The following CPEB3 variants were observed in gnomAD, a reference collection of about 807,000 sequenced individuals.
CPEB3 encodes cytoplasmic polyadenylation element-binding protein 3.
CPEB3 carries 20 observed loss-of-function variants against 67.2 expected under a neutral mutation model. The ratio of observed to expected loss-of-function variants is 0.30; its 90% confidence interval spans 0.21 to 0.43. The LOEUF (loss-of-function observed/expected upper bound fraction) is 0.43, where lower values mean the gene tolerates loss of function less well. Ranked by LOEUF, CPEB3 falls within the 20% of genes least tolerant of loss-of-function variation. The probability of loss-of-function intolerance (pLI) is 1.00; values close to 1 mark genes in which losing one functional copy is unlikely to be tolerated. For missense variants in CPEB3, 746 were observed against 968.6 expected, an observed-to-expected ratio of 0.77 and a Z score of 3.05; for synonymous variants, 376 against 393.1, an observed-to-expected ratio of 0.96 and a Z score of 0.51.
chr10:92,216,844 G>A (rs571379316), intron 2 of CPEB3: 4 of 1,559,582 alleles, frequency 2.6e-6, no homozygotes, highest in African/African-American at 1.4e-5. Flanking sequence ...CTGGGCTGAC[G>A]GCAGGACGAC....
chr10:92,257,449 C>T (rs906721051), intron 1 of CPEB3, among the ~76,000 whole-genome samples: 10 of 152,070 alleles, frequency 6.6e-5, no homozygotes, highest in Non-Finnish European at 1.3e-4. Context: ...CTTGGGCCAC[C>T]ACACCCAGCT....
intron 2 of CPEB3, among the ~76,000 whole-genome samples, chr10:92,232,797 G>T (rs569795361): frequency 6.7e-6 from 1 of 150,112 alleles, no homozygotes; most frequent in Admixed American, 6.7e-5. Context: ...CTAACCAATA[G>T]AGAAAGCTAT....
At chr10:92,140,428 T>G (rs948513605) in intron 6 of CPEB3, among the ~76,000 whole-genome samples, 25 of 152,176 alleles carry the variant, frequency 1.6e-4, no homozygotes, top group East Asian at 3.9e-4. Context: ...GCTAGCCATA[T>G]GTAGAAAGCT....
In CPEB3 at chr10:92,079,553, ATTATT is replaced by A. The variant is rs1443493697; in HGVS notation, c.1869+1762_1869+1766del. On this transcript the variant is annotated intron_variant, in intron 9 of 9. Coordinates refer to ENST00000265997, the MANE Select transcript of CPEB3 (RefSeq NM_014912.5). ...TTTAAAGAATGTTTCAAAATTCTAAATTATTTTATTCATTTTAATTAAAAAGCAAA... is the reference window on the plus strand; with the variant it reads ...TTTAAAGAATGTTTCAAAATTCTAAATTATTCATTTTAATTAAAAAGCAAA... Among the ~76,000 whole-genome samples the A allele has an allele frequency of 2.6e-5, 4 of 152,304 alleles. No homozygotes were observed. The East Asian group carries it at 7.7e-4, about 29-fold the overall frequency.
At chr10:92,158,674 G>A (rs994645901) in intron 4 of CPEB3, among the ~76,000 whole-genome samples, 1 of 152,104 alleles carries the variant, frequency 6.6e-6, no homozygotes, top group African/African-American at 2.4e-5. Context: ...ATTACAGATG[G>A]GGGAATGTAA....
intron 2 of CPEB3, among the ~76,000 whole-genome samples, chr10:92,212,591 C>T (rs1850151880): frequency 6.6e-6 from 1 of 152,086 alleles, no homozygotes; most frequent in Non-Finnish European, 1.5e-5. Flanking sequence ...AGCCACTAAC[C>T]ACATGTGGCT....
At chr10:92,175,016 A>G (rs1263853893) in intron 4 of CPEB3, among the ~76,000 whole-genome samples, 1 of 152,072 alleles carries the variant, frequency 6.6e-6, no homozygotes, top group Non-Finnish European at 1.5e-5. Flanking sequence ...TAAATATCCT[A>G]ACTGCCCACT....
At chr10:92,147,039 T>A (rs1846718054) in intron 4 of CPEB3, among the ~76,000 whole-genome samples, 1 of 152,126 alleles carries the variant, frequency 6.6e-6, no homozygotes, top group South Asian at 2.1e-4. Flanking sequence ...TCAACACTAG[T>A]AACATTAGAT....
intron 2 of CPEB3, among the ~76,000 whole-genome samples, chr10:92,194,560 A>G (rs1849139685): frequency 6.6e-6 from 1 of 152,230 alleles, no homozygotes; most frequent in Non-Finnish European, 1.5e-5. Flanking sequence ...ACACGAAGAA[A>G]CCTTAACCCA....
intron 6 of CPEB3, among the ~76,000 whole-genome samples, chr10:92,117,407 G>A (rs1393884922): frequency 2.1e-5 from 3 of 142,022 alleles, no homozygotes; most frequent in African/African-American, 8.0e-5. Context: ...TTGGCTCACT[G>A]CAAGCTCCGC....
chr10:92,291,205 C>T (rs974756702), upstream of CPEB3: 2 of 512,634 alleles, frequency 3.9e-6, no homozygotes, highest in South Asian at 2.4e-5. Context: ...AGCAACTCGG[C>T]GCCCGCGGTC....
chr10:92,161,960 T>C (rs1331777419), intron 4 of CPEB3, among the ~76,000 whole-genome samples: 2 of 152,168 alleles, frequency 1.3e-5, no homozygotes, highest in Non-Finnish European at 2.9e-5. Context: ...TGCGCCCGGC[T>C]GACTCCACAT....
At chr10:92,225,883 G>A (rs1285646994) in intron 2 of CPEB3, among the ~76,000 whole-genome samples, 1 of 152,216 alleles carries the variant, frequency 6.6e-6, no homozygotes, top group Non-Finnish European at 1.5e-5. Flanking sequence ...CAGATCACGA[G>A]GTCAGGAGTT....
intron 4 of CPEB3, among the ~76,000 whole-genome samples, chr10:92,165,765 G>C (rs1326825484): frequency 6.6e-6 from 1 of 152,126 alleles, no homozygotes; most frequent in Non-Finnish European, 1.5e-5. Context: ...CACTTTCTTT[G>C]CTTGTACATA....
chr10:92,235,939 T>G (rs1851508512), intron 2 of CPEB3, among the ~76,000 whole-genome samples: 2 of 152,246 alleles, frequency 1.3e-5, no homozygotes, highest in South Asian at 2.1e-4. Flanking sequence ...GTCCTTTTAT[T>G]AAATTGATGC....
At chr10:92,084,538 C>T (rs548007398) in intron 8 of CPEB3, among the ~76,000 whole-genome samples, 30 of 151,808 alleles carry the variant, frequency 2.0e-4, no homozygotes, top group African/African-American at 6.8e-4. Flanking sequence ...TGAAAATTTC[C>T]CATCTCCCTC....
chr10:92,290,248 G>A (rs1842793947), intron 1 of CPEB3, among the ~76,000 whole-genome samples: 1 of 152,026 alleles, frequency 6.6e-6, no homozygotes, highest in Admixed American at 6.6e-5. Context: ...AAACGCATTC[G>A]TTTGAGCCGA....
At chr10:92,280,654 GAAA>G (rs373137395) in intron 1 of CPEB3, among the ~76,000 whole-genome samples, 4 of 81,060 alleles carry the variant, frequency 4.9e-5, no homozygotes, top group Non-Finnish European at 9.0e-5. Context: ...GGCCGAGAGT[GAAA>G]AAAAAAAAAA....
intron 4 of CPEB3, among the ~76,000 whole-genome samples, chr10:92,150,832 T>C (rs1299394946): frequency 1.3e-5 from 2 of 152,170 alleles, no homozygotes; most frequent in Non-Finnish European, 2.9e-5. Flanking sequence ...TATATTTCTA[T>C]GTGAGGAGGA....
Sources: allele counts gnomAD v4.1 joint callset (sites outside exome capture counted in the v4.1 genomes callset), GRCh38; gene constraint gnomAD v4.1.1; transcripts MANE v1.5; gene names NCBI Gene and HGNC (gene_info 2026-07-23, HGNC 2026-07-21).